Variants in MOXD1 observed in about 807,000 individuals in gnomAD.
The protein encoded by MOXD1 is monooxygenase DBH like 1.
A neutral mutation model predicts 66.6 loss-of-function variants in MOXD1; 62 were observed. That is an observed-to-expected ratio of 0.93 (90% confidence interval 0.76 to 1.15). The LOEUF is 1.15. Among genes scored for constraint, MOXD1 ranks in the 50% most tolerant of loss-of-function variants. MOXD1 has a pLI of 0.00. For synonymous variants in MOXD1, 303 were observed against 281.9 expected (o/e 1.07, Z -0.75); for missense variants, 847 against 754.6 (o/e 1.12, Z -1.44).
At chr6:132,344,819 G>C (rs1371536857) in intron 4 of MOXD1, among the ~76,000 whole-genome samples, 1 of 152,112 alleles carries the variant, frequency 6.6e-6, no homozygotes, top group Non-Finnish European at 1.5e-5. Flanking sequence ...ACCCAACTTT[G>C]GGTAAATAGG....
chr6:132,362,058 A>G (rs1776027658), intron 4 of MOXD1, among the ~76,000 whole-genome samples: 1 of 152,138 alleles, frequency 6.6e-6, no homozygotes, highest in African/African-American at 2.4e-5. Flanking sequence ...TATAAAAACT[A>G]TTAAAAATTT....
At chr6:132,322,631 C>G (rs1277596021) in intron 8 of MOXD1, 48 bp downstream of exon 8, 1 of 1,560,974 alleles carries the variant, frequency 6.4e-7, no homozygotes, top group East Asian at 2.2e-5. Context: ...GCAGATATGT[C>G]TCATGACTTT....
intron 4 of MOXD1, among the ~76,000 whole-genome samples, chr6:132,370,298 A>G (rs987236634): frequency 2.6e-5 from 4 of 152,176 alleles, no homozygotes; most frequent in Non-Finnish European, 4.4e-5. Context: ...ACTTAAGGCA[A>G]GTCCTAGATT....
At chr6:132,365,403 T>C (rs1423045796) in intron 4 of MOXD1, among the ~76,000 whole-genome samples, 3 of 152,140 alleles carry the variant, frequency 2.0e-5, no homozygotes, top group Non-Finnish European at 4.4e-5. Flanking sequence ...CTGAAAAGCA[T>C]GCATGTCAGG....
chr6:132,325,070 A>G (rs765211135), intron 6 of MOXD1: 1 of 152,088 alleles, frequency 6.6e-6, no homozygotes, highest in Non-Finnish European at 1.5e-5. Flanking sequence ...TTATCCCAGG[A>G]AATTCTTACC....
chr6:132,349,865 G>C (rs1196830219), intron 4 of MOXD1, among the ~76,000 whole-genome samples: 3 of 152,092 alleles, frequency 2.0e-5, no homozygotes, highest in Non-Finnish European at 4.4e-5. Context: ...GCACTTCCCT[G>C]ATCATTAGTG....
intron 4 of MOXD1, among the ~76,000 whole-genome samples, chr6:132,338,185 G>A (rs141391521): frequency 2.6e-5 from 4 of 152,202 alleles, no homozygotes; most frequent in Non-Finnish European, 4.4e-5. Context: ...GTGTCACAGC[G>A]CAGATTTGAC....
intron 4 of MOXD1, among the ~76,000 whole-genome samples, chr6:132,340,475 T>G (rs1454364194): frequency 8.1e-6 from 1 of 123,272 alleles, no homozygotes; most frequent in Non-Finnish European, 1.7e-5. Context: ...AAATGGGAAA[T>G]AGGTTAAGGT....
intron 1 of MOXD1, among the ~76,000 whole-genome samples, chr6:132,377,232 C>T (rs991399243): frequency 1.3e-5 from 2 of 152,140 alleles, no homozygotes; most frequent in African/African-American, 4.8e-5. Context: ...AAATGAAATA[C>T]TCCTGTGAGT....
chr6:132,379,606 A>G lies in MOXD1; in HGVS notation c.265-4829T>C, dbSNP rs1298004593. Among the ~76,000 whole-genome samples the G allele has an allele frequency of 2.0e-5, 3 of 152,208 alleles. No individual in the cohort carries two copies. In the East Asian group the frequency reaches 5.8e-4, roughly 29 times the overall value. On this transcript the variant is annotated intron_variant, in intron 1 of 11. Coordinates refer to ENST00000367963, the MANE Select transcript of MOXD1 (RefSeq NM_015529.4). ...TCCTTAAAATTATATTTCTGTCTTCATATTTCACCATTTGGGAATCTCATC... is the reference window on the plus strand; with the variant it reads ...TCCTTAAAATTATATTTCTGTCTTCGTATTTCACCATTTGGGAATCTCATC...
intron 4 of MOXD1, among the ~76,000 whole-genome samples, chr6:132,344,413 A>G (rs1417076567): frequency 6.6e-6 from 1 of 152,210 alleles, no homozygotes; most frequent in Non-Finnish European, 1.5e-5. Flanking sequence ...ATGGGGGGAA[A>G]AAAATCAATC....
chr6:132,334,388 G>C (rs2114595813), intron 4 of MOXD1, among the ~76,000 whole-genome samples: 1 of 152,152 alleles, frequency 6.6e-6, no homozygotes, highest in Non-Finnish European at 1.5e-5. Flanking sequence ...TTTTCCAGTT[G>C]CTCAGCCAGC....
intron 1 of MOXD1, among the ~76,000 whole-genome samples, chr6:132,389,035 AATTATT>A (rs1293944030): frequency 1.3e-5 from 2 of 150,812 alleles, no homozygotes; most frequent in Non-Finnish European, 3.0e-5. Context: ...TCAGTCCATA[AATTATT>A]ATTATTATTA....
At position 132,324,074 on chromosome 6, in the gene MOXD1, T is replaced by G. The variant is rs761975648; in HGVS notation, c.970A>C (p.Arg324=). 4 of 1,613,566 alleles carry G rather than the reference T, an allele frequency of 2.5e-6. No homozygotes were observed. The Admixed American group carries it at 6.7e-5, about 27-fold the overall frequency. Reference sequence around the variant, plus strand: ...CTTATATCCATTGTGTAAAATAACCTCAGTCCAGAATTATCTATTAAGCCT... The same window carrying G: ...CTTATATCCATTGTGTAAAATAACCGCAGTCCAGAATTATCTATTAAGCCT... ...EEGLIDNSGL[R]LFYTMDIRKY... The change falls in exon 7 of 12, where the codon AGG becomes CGG. Residue 324 remains arginine, a synonymous_variant. Coordinates refer to ENST00000367963, the MANE Select transcript of MOXD1 (RefSeq NM_015529.4).
intron 4 of MOXD1, among the ~76,000 whole-genome samples, chr6:132,334,477 T>C (rs1223939880): frequency 6.6e-6 from 1 of 152,230 alleles, no homozygotes; most frequent in African/African-American, 2.4e-5. Flanking sequence ...GGTGAATCAC[T>C]CCTGTCATCT....
chr6:132,306,839 C>T (rs1467998697), intron 10 of MOXD1, among the ~76,000 whole-genome samples: 1 of 152,134 alleles, frequency 6.6e-6, no homozygotes, highest in African/African-American at 2.4e-5. Flanking sequence ...ACCAGGCCTG[C>T]CCTGGAAGAG....
At chr6:132,347,286 G>T (rs1339101041) in intron 4 of MOXD1, among the ~76,000 whole-genome samples, 1 of 152,102 alleles carries the variant, frequency 6.6e-6, no homozygotes, top group Non-Finnish European at 1.5e-5. Context: ...ATCTGTACAG[G>T]ATACAGTGGA....
intron 10 of MOXD1, among the ~76,000 whole-genome samples, chr6:132,299,264 G>A (rs902365731): frequency 6.6e-6 from 1 of 151,686 alleles, no homozygotes. Context: ...ACAGACACTG[G>A]GAACTACTAG....
At chr6:132,386,332 G>A (rs929786823) in intron 1 of MOXD1, among the ~76,000 whole-genome samples, 4 of 149,512 alleles carry the variant, frequency 2.7e-5, no homozygotes, top group Non-Finnish European at 5.9e-5. Flanking sequence ...AACCCGGGAG[G>A]CGGAGCTTGC....
Sources: gnomAD v4.1 joint callset for allele counts (sites outside exome capture counted in the v4.1 genomes callset) on GRCh38, gnomAD v4.1.1 for gene constraint, MANE v1.5 for transcripts, NCBI Gene and HGNC (gene_info 2026-07-23, HGNC 2026-07-21) for gene names.